SHISA6: variants seen among roughly 807,000 people sequenced by gnomAD.
The protein encoded by SHISA6 is shisa family member 6, also known as protein shisa-6.
Under a neutral mutation model 47.9 loss-of-function variants are expected in SHISA6, and 22 were observed. That is an observed-to-expected ratio of 0.46 (90% CI 0.33 to 0.66). The LOEUF (loss-of-function observed/expected upper bound fraction) is 0.66. Among genes scored for constraint, SHISA6 ranks in the 30% least tolerant of loss-of-function variants. The pLI, the probability that SHISA6 is intolerant of heterozygous loss-of-function variation, is 0.02. For missense variants in SHISA6, 680 were observed against 764.6 expected, an observed-to-expected ratio of 0.89 and a Z score of 1.30; for synonymous variants, 388 against 337.8, an observed-to-expected ratio of 1.15 and a Z score of -1.63.
At position 11,318,624 on chromosome 17, in the gene SHISA6, G is replaced by A. The variant is rs568531559; in HGVS notation, c.799+55098G>A. Among the ~76,000 whole-genome samples, 36 of 152,300 alleles carry A rather than the reference G, an allele frequency of 2.4e-4. No homozygotes were observed. In the South Asian group the frequency reaches 4.3e-3, roughly 18 times the overall value. On this transcript the variant is annotated intron_variant, in intron 2 of 5. Transcript: ENST00000441885. Reference sequence around the variant, plus strand: ...GCAAATGTGCATTTTATGTATGTACGTATGTGTTTAGGTATAATATCTATT... The same window carrying A: ...GCAAATGTGCATTTTATGTATGTACATATGTGTTTAGGTATAATATCTATT...
At chr17:11,380,362 T>C (rs537630503) in intron 3 of SHISA6, 2 of 152,318 alleles carry the variant, frequency 1.3e-5, no homozygotes, top group Non-Finnish European at 2.9e-5. Context: ...TTAAATTCCT[T>C]ATGTGATGTT....
intron 3 of SHISA6, among the ~76,000 whole-genome samples, chr17:11,493,606 C>T (rs1269334410): frequency 1.3e-5 from 2 of 152,132 alleles, no homozygotes; most frequent in African/African-American, 4.8e-5. Context: ...CATACACACA[C>T]CATCTACCAA....
intron 3 of SHISA6, among the ~76,000 whole-genome samples, chr17:11,438,401 T>A (rs1915000340): frequency 6.6e-6 from 1 of 152,072 alleles, no homozygotes. Context: ...CAACAGAAAC[T>A]TATTTTCTCA....
At chr17:11,293,111 C>T (rs1336082252) in intron 2 of SHISA6, among the ~76,000 whole-genome samples, 1 of 152,104 alleles carries the variant, frequency 6.6e-6, no homozygotes, top group Non-Finnish European at 1.5e-5. Context: ...AGGTGTGAGC[C>T]ACTGCGCCCG....
chr17:11,413,532 C>A (rs889855197), intron 3 of SHISA6, among the ~76,000 whole-genome samples: 12 of 152,190 alleles, frequency 7.9e-5, no homozygotes, highest in Non-Finnish European at 1.5e-4. Context: ...CATGCAACGA[C>A]CACCATCTAC....
chr17:11,371,989 A>G (rs903253882), intron 2 of SHISA6, among the ~76,000 whole-genome samples: 4 of 152,028 alleles, frequency 2.6e-5, no homozygotes, highest in African/African-American at 7.2e-5. Context: ...GGACCTATAG[A>G]TATTTCCTTT....
At chr17:11,261,539 A>G (rs997184283) in intron 1 of SHISA6, among the ~76,000 whole-genome samples, 2 of 152,166 alleles carry the variant, frequency 1.3e-5, no homozygotes, top group Non-Finnish European at 2.9e-5. Flanking sequence ...TTACGGATTT[A>G]CCTAACTGGG....
intron 3 of SHISA6, among the ~76,000 whole-genome samples, chr17:11,406,765 A>T (rs1913976558): frequency 6.6e-6 from 1 of 152,074 alleles, no homozygotes; most frequent in East Asian, 1.9e-4. Context: ...TCTCTATTAG[A>T]TTGTATAAAA....
At chr17:11,277,332 TATA>T (rs1314588033) in intron 2 of SHISA6, among the ~76,000 whole-genome samples, 5 of 139,430 alleles carry the variant, frequency 3.6e-5, no homozygotes, top group African/African-American at 1.4e-4. Flanking sequence ...CGCATGTACG[TATA>T]CAGACTTTCT....
chr17:11,278,616 G>C (rs568234393), intron 2 of SHISA6, among the ~76,000 whole-genome samples: 118 of 152,326 alleles, frequency 7.7e-4, no homozygotes, highest in Non-Finnish European at 1.4e-3. Context: ...CTACCCCTGC[G>C]AGGAGGCAGG....
chr17:11,460,317 T>TA (rs1288679915), intron 3 of SHISA6, among the ~76,000 whole-genome samples: 7 of 152,274 alleles, frequency 4.6e-5, no homozygotes, highest in East Asian at 1.9e-4. Context: ...GTAAAAATGA[T>TA]AGACCTGAGT....
rs550090064 is a variant in SHISA6, at chr17:11,384,226, C to T, written c.895+4717C>T. Among the ~76,000 whole-genome samples, 3 of 152,352 alleles carry T rather than the reference C, an allele frequency of 2.0e-5. No homozygotes were observed. In the South Asian group the frequency reaches 6.2e-4, roughly 32 times the overall value. On this transcript the variant is annotated intron_variant, in intron 3 of 5. Coordinates refer to ENST00000441885, the MANE Select transcript of SHISA6 (RefSeq NM_207386.4). ...ATCTGCTGCTGCTCACTGTGCTATC[C>T]TGCCTCTCCAAGCTGCGGAGCAGCT...
At chr17:11,368,030 G>A (rs184792577) in intron 2 of SHISA6, among the ~76,000 whole-genome samples, 1 of 152,144 alleles carries the variant, frequency 6.6e-6, no homozygotes, top group East Asian at 1.9e-4. Flanking sequence ...CTAACCCCAA[G>A]TCACTCACAT....
intron 3 of SHISA6, among the ~76,000 whole-genome samples, chr17:11,524,759 A>G (rs896538661): frequency 6.6e-6 from 1 of 152,140 alleles, no homozygotes; most frequent in Non-Finnish European, 1.5e-5. Context: ...TTGGCCTCCC[A>G]AAGTGCTAGG....
chr17:11,352,479 G>A (rs1911922391), intron 2 of SHISA6, among the ~76,000 whole-genome samples: 1 of 152,174 alleles, frequency 6.6e-6, no homozygotes. Context: ...CAAGTGGACT[G>A]CAAGATGGGA....
At chr17:11,333,258 A>C (rs1167284002) in intron 2 of SHISA6, among the ~76,000 whole-genome samples, 1 of 152,166 alleles carries the variant, frequency 6.6e-6, no homozygotes, top group African/African-American at 2.4e-5. Flanking sequence ...GAACTATAAG[A>C]AATAGACTTT....
At chr17:11,541,691 A>T (rs77585791) in intron 3 of SHISA6, among the ~76,000 whole-genome samples, 2 of 152,172 alleles carry the variant, frequency 1.3e-5, no homozygotes, top group African/African-American at 4.8e-5. Flanking sequence ...AAAATGTTCA[A>T]CCTAAAATGT....
intron 2 of SHISA6, among the ~76,000 whole-genome samples, chr17:11,341,702 TG>T (rs1911536293): frequency 6.6e-6 from 1 of 152,084 alleles, no homozygotes; most frequent in Non-Finnish European, 1.5e-5. Context: ...AAGGTGGAGC[TG>T]GAGCTGCAAT....
At chr17:11,402,738 A>G (rs1913821342) in intron 3 of SHISA6, among the ~76,000 whole-genome samples, 2 of 152,210 alleles carry the variant, frequency 1.3e-5, no homozygotes, top group East Asian at 1.9e-4. Context: ...ATGCACTGGG[A>G]TAGAAAGAAA....
Sources: allele counts gnomAD v4.1 joint callset (sites outside exome capture counted in the v4.1 genomes callset), GRCh38; gene constraint gnomAD v4.1.1; transcripts MANE v1.5; gene names NCBI Gene and HGNC (gene_info 2026-07-23, HGNC 2026-07-21).